Variants in ROBO2 observed in about 807,000 individuals in gnomAD.
ROBO2 encodes the protein roundabout homolog 2.
Under a neutral mutation model 160.8 loss-of-function variants are expected in ROBO2, and 53 were observed. The ratio of observed to expected loss-of-function variants is 0.33; its 90% CI spans 0.26 to 0.41. The LOEUF (loss-of-function observed/expected upper bound fraction) is 0.41, where lower values mean the gene tolerates loss of function less well. Among genes scored for constraint, ROBO2 ranks in the 10% least tolerant of loss-of-function variants. The pLI is 1.00. For synonymous variants in ROBO2, 664 were observed against 611.7 expected (o/e 1.09, Z -1.26); for missense variants, 1,577 against 1,722.4 (o/e 0.92, Z 1.49).
chr3:76,809,927 A>T, intron 2 of ROBO2, among the ~76,000 whole-genome samples: 1 of 152,110 alleles, frequency 6.6e-6, no homozygotes, highest in East Asian at 1.9e-4. Flanking sequence ...AAGGTAAAAA[A>T]AACTAGAATA....
intron 2 of ROBO2, among the ~76,000 whole-genome samples, chr3:76,558,284 T>A (rs2083932781): frequency 6.6e-6 from 1 of 152,074 alleles, no homozygotes; most frequent in African/African-American, 2.4e-5. Context: ...TAAAAGAATA[T>A]AATTTATTCC....
At chr3:76,289,440 G>GT (rs1169714175) in intron 2 of ROBO2, among the ~76,000 whole-genome samples, 23 of 151,892 alleles carry the variant, frequency 1.5e-4, no homozygotes, top group Non-Finnish European at 1.8e-4. Flanking sequence ...TCTGTAGGTT[G>GT]TTTTTTTTAT....
intron 2 of ROBO2, among the ~76,000 whole-genome samples, chr3:77,251,047 T>C (rs1396750663): frequency 6.6e-6 from 1 of 152,146 alleles, no homozygotes; most frequent in Non-Finnish European, 1.5e-5. Flanking sequence ...TGCAATCTAG[T>C]GGCCCTGCAG....
chr3:76,243,147 C>T (rs149791372), intron 2 of ROBO2, among the ~76,000 whole-genome samples: 2 of 152,126 alleles, frequency 1.3e-5, no homozygotes, highest in Non-Finnish European at 2.9e-5. Flanking sequence ...CTTTTTCTCT[C>T]GGACTTCGGA....
At chr3:77,008,368 T>G (rs887767280) in intron 2 of ROBO2, among the ~76,000 whole-genome samples, 2 of 152,184 alleles carry the variant, frequency 1.3e-5, no homozygotes, top group Non-Finnish European at 1.5e-5. Flanking sequence ...GTGAAGTTAC[T>G]TGTAGCATCC....
At chr3:76,267,982 T>C (rs1250421532) in intron 2 of ROBO2, among the ~76,000 whole-genome samples, 1 of 152,148 alleles carries the variant, frequency 6.6e-6, no homozygotes, top group Non-Finnish European at 1.5e-5. Flanking sequence ...ATTATACTCA[T>C]AAAAACTCGA....
intron 2 of ROBO2, among the ~76,000 whole-genome samples, chr3:76,041,708 A>G (rs1170752697): frequency 6.6e-6 from 1 of 151,990 alleles, no homozygotes; most frequent in East Asian, 1.9e-4. Flanking sequence ...GATATCTCTT[A>G]TAGCTTTATC....
chr3:77,237,411 T>TGTGTGTGTGTGTG (rs1553862752), intron 2 of ROBO2, among the ~76,000 whole-genome samples: 1 of 131,046 alleles, frequency 7.6e-6, no homozygotes, highest in Non-Finnish European at 1.6e-5. Context: ...TTGTTTTGTT[T>TGTGTGTGTGTGTG]TGTGTGTGTG....
chr3:77,098,008 T>C lies in ROBO2; in HGVS notation c.62-6T>C, dbSNP rs1158447068. Reference sequence around the variant, plus strand: ...AAGCTTGTCTTTATTCCGTCATGTTTTGTAGGATCGCGTCTTCGCCAGGAG... The same window carrying C: ...AAGCTTGTCTTTATTCCGTCATGTTCTGTAGGATCGCGTCTTCGCCAGGAG... On this transcript the variant is annotated splice_region_variant and splice_polypyrimidine_tract_variant and intron_variant, in intron 1 of 25. Coordinates refer to ENST00000461745, the Ensembl canonical transcript of ROBO2. 6.5e-7 allele frequency: 1 copy of C among 1,546,316 alleles called. No individual in the cohort carries two copies. Among genetic ancestry groups the C allele is most frequent in the African/African-American group, 1.4e-5 (1 of 72,926 alleles).
intron 2 of ROBO2, among the ~76,000 whole-genome samples, chr3:76,528,280 G>A (rs890999487): frequency 6.6e-6 from 1 of 152,112 alleles, no homozygotes; most frequent in East Asian, 1.9e-4. Context: ...CTGAGGTTCA[G>A]CGTGAGATGT....
At chr3:77,233,222 C>A (rs1458153766) in intron 2 of ROBO2, among the ~76,000 whole-genome samples, 5 of 152,058 alleles carry the variant, frequency 3.3e-5, no homozygotes, top group African/African-American at 1.2e-4. Context: ...GTGAATAATA[C>A]CATGAACAAT....
Position 77,312,077 on chromosome 3 carries a change from T to C in ROBO2, c.389-165337T>C, listed in dbSNP as rs561404944. ...CTCCAGCCTCGGCGACACAGCGAGATTACATCTCAAAAAAGAAAAAAAAAT... is the reference window on the plus strand; with the variant it reads ...CTCCAGCCTCGGCGACACAGCGAGACTACATCTCAAAAAAGAAAAAAAAAT... On this transcript the variant is annotated intron_variant, in intron 2 of 25. Coordinates refer to ENST00000461745, the Ensembl canonical transcript of ROBO2. 2.6e-5 allele frequency among the ~76,000 whole-genome samples: 4 copies of C among 152,130 alleles called. No individual in the cohort carries two copies. In the South Asian group the frequency reaches 8.3e-4, roughly 32 times the overall value.
At chr3:76,587,850 G>C (rs2108793437) in intron 2 of ROBO2, among the ~76,000 whole-genome samples, 1 of 152,050 alleles carries the variant, frequency 6.6e-6, no homozygotes, top group African/African-American at 2.4e-5. Flanking sequence ...TCTTTCTTCA[G>C]CCAATGTGTG....
At chr3:76,835,979 T>C (rs1199276305) in intron 2 of ROBO2, among the ~76,000 whole-genome samples, 3 of 152,026 alleles carry the variant, frequency 2.0e-5, no homozygotes, top group Non-Finnish European at 4.4e-5. Context: ...TATTTGGAAC[T>C]AGGTCTCCCC....
intron 2 of ROBO2, among the ~76,000 whole-genome samples, chr3:77,307,884 T>A (rs1411147865): frequency 6.6e-6 from 1 of 151,642 alleles, no homozygotes; most frequent in Non-Finnish European, 1.5e-5. Context: ...CTGGAACCCA[T>A]AAAGCGGTGG....
At position 77,535,837 on chromosome 3, in the gene ROBO2, A is replaced by G. The variant is rs182136006; in HGVS notation, c.935-10501A>G. Among the ~76,000 whole-genome samples the G allele has an allele frequency of 1.4e-4, 22 of 152,258 alleles. 1 individual carries two copies. The highest frequency in any genetic ancestry group is 7.8e-4 in the East Asian group (4 of 5,160). On this transcript the variant is annotated intron_variant, in intron 6 of 25. Coordinates refer to ENST00000461745, the Ensembl canonical transcript of ROBO2. ...AATTTAAAAGTTCTGTGAAACTTGC[A>G]TGGCGAATCTCATAATGATTTCCAC... is the stretch of plus-strand genomic sequence containing the variant.
chr3:77,537,211 A>G (rs546079613), intron 6 of ROBO2, among the ~76,000 whole-genome samples: 31 of 152,046 alleles, frequency 2.0e-4, no homozygotes, highest in Admixed American at 2.0e-3. Flanking sequence ...TTGTCGTCAT[A>G]CTATGTAATT....
At chr3:76,242,198 A>G (rs1367906020) in intron 2 of ROBO2, among the ~76,000 whole-genome samples, 6 of 152,136 alleles carry the variant, frequency 3.9e-5, no homozygotes, top group Non-Finnish European at 7.3e-5. Flanking sequence ...TTTCTAAAGC[A>G]GTTGTTGTGC....
chr3:76,395,860 C>T (rs2108690386), intron 2 of ROBO2, among the ~76,000 whole-genome samples: 1 of 152,176 alleles, frequency 6.6e-6, no homozygotes, highest in Middle Eastern at 3.4e-3. Context: ...AGTCCAGGAC[C>T]AGATGGATTC....
Sources: gnomAD v4.1 joint callset for allele counts (sites outside exome capture counted in the v4.1 genomes callset) on GRCh38, gnomAD v4.1.1 for gene constraint, MANE v1.5 for transcripts, NCBI Gene and HGNC (gene_info 2026-07-23, HGNC 2026-07-21) for gene names.